The following PCSK6 variants were observed in gnomAD, a reference collection of about 807,000 sequenced individuals.
The protein encoded by PCSK6 is proprotein convertase subtilisin/kexin type 6, also known as paired basic amino acid cleaving enzyme 4.
In PCSK6, 85 loss-of-function variants were observed where a neutral mutation model predicts 123.3. That is an observed-to-expected ratio of 0.69 (90% confidence interval 0.58 to 0.83). The LOEUF is 0.83. Among genes scored for constraint, PCSK6 ranks in the 40% least tolerant of loss-of-function variants. PCSK6 has a pLI of 0.00. For missense variants in PCSK6, 1,191 were observed against 1,282.3 expected, an observed-to-expected ratio of 0.93 and a Z score of 1.09; for synonymous variants, 508 against 516.0, an observed-to-expected ratio of 0.98 and a Z score of 0.21.
At chr15:101,389,604 C>G in intron 8 of PCSK6, 40 bp from the exon 9 acceptor site, 5 of 1,502,852 alleles carry the variant, frequency 3.3e-6, no homozygotes, top group Non-Finnish European at 4.6e-6. Context: ...TGATGGCAGA[C>G]AGGCTAACTC....
intron 13 of PCSK6, among the ~76,000 whole-genome samples, chr15:101,354,754 C>A (rs981111695): frequency 6.6e-6 from 1 of 152,206 alleles, no homozygotes; most frequent in African/African-American, 2.4e-5. Flanking sequence ...AATCCCCAAC[C>A]TTTTCTCAAT....
intron 6 of PCSK6, among the ~76,000 whole-genome samples, chr15:101,425,472 G>C (rs990861475): frequency 2.0e-5 from 3 of 152,102 alleles, no homozygotes; most frequent in African/African-American, 7.2e-5. Flanking sequence ...TCCTTTTCAT[G>C]TCTTTATTGT....
intron 11 of PCSK6, among the ~76,000 whole-genome samples, chr15:101,381,191 A>G (rs11247288): frequency 0.64 from 96,426 of 151,616 alleles, 31,560 homozygotes; most frequent in African/African-American, 0.8. Context: ...GTGAAACCCC[A>G]TCTCTACTAA....
intron 13 of PCSK6, among the ~76,000 whole-genome samples, chr15:101,352,787 A>C (rs1353939854): frequency 2.6e-5 from 4 of 152,140 alleles, no homozygotes. Flanking sequence ...TTTTGTTGCG[A>C]TGTTGATGAG....
chr15:101,452,905 G>A (rs1241459779), intron 1 of PCSK6, among the ~76,000 whole-genome samples: 2 of 152,310 alleles, frequency 1.3e-5, no homozygotes, highest in African/African-American at 2.4e-5. Flanking sequence ...TGGGGCTGGC[G>A]GGGCCGGGGT....
chr15:101,473,089 T>C (rs2057645168), intron 1 of PCSK6, among the ~76,000 whole-genome samples: 1 of 152,168 alleles, frequency 6.6e-6, no homozygotes, highest in South Asian at 2.1e-4. Context: ...TCTTTTCTTT[T>C]CTAGAGACAG....
intron 13 of PCSK6, among the ~76,000 whole-genome samples, chr15:101,359,786 G>A (rs1008620962): frequency 6.6e-5 from 10 of 152,230 alleles, no homozygotes; most frequent in Admixed American, 1.3e-4. Context: ...GGCTCCAAAC[G>A]TGTGAATCAC....
intron 10 of PCSK6, 64 bp downstream of exon 10, chr15:101,384,258 C>A (rs368606206): frequency 2.7e-5 from 42 of 1,578,056 alleles, no homozygotes; most frequent in African/African-American, 5.4e-5. Flanking sequence ...TTAAGGAATT[C>A]ATGACACCCC....
intron 16 of PCSK6, 90 bp downstream of exon 16, chr15:101,326,287 C>T (rs543470821): frequency 1.0e-5 from 10 of 980,284 alleles, no homozygotes; most frequent in Non-Finnish European, 1.2e-5. Flanking sequence ...TACGTTACTT[C>T]CTAACTGGGG....
At chr15:101,331,421 G>T (rs1348190817) in intron 15 of PCSK6, among the ~76,000 whole-genome samples, 1 of 152,146 alleles carries the variant, frequency 6.6e-6, no homozygotes, top group Admixed American at 6.5e-5. Context: ...AACCTTCCTG[G>T]ATCCTTGGGA....
chr15:101,372,388 T>G (rs1010808615), intron 11 of PCSK6, among the ~76,000 whole-genome samples: 1 of 152,156 alleles, frequency 6.6e-6, no homozygotes, highest in African/African-American at 2.4e-5. Flanking sequence ...ATCAAAACAG[T>G]TATAAACAGT....
chr15:101,487,812 G>A (rs994776164), intron 1 of PCSK6, among the ~76,000 whole-genome samples: 4 of 152,150 alleles, frequency 2.6e-5, no homozygotes, highest in African/African-American at 7.2e-5. Flanking sequence ...AGAGACAAAC[G>A]AAGTCAGTGC....
chr15:101,427,227 G>C (rs543453637), intron 6 of PCSK6, among the ~76,000 whole-genome samples: 1 of 152,318 alleles, frequency 6.6e-6, no homozygotes, highest in Non-Finnish European at 1.5e-5. Context: ...CTGCTGCTCC[G>C]TAAAGGGACC....
At chr15:101,418,713 A>G (rs2055977531) in intron 6 of PCSK6, among the ~76,000 whole-genome samples, 1 of 151,984 alleles carries the variant, frequency 6.6e-6, no homozygotes, top group Admixed American at 6.6e-5. Flanking sequence ...GGGTTTCAAC[A>G]TTTTGGCCAG....
intron 1 of PCSK6, among the ~76,000 whole-genome samples, chr15:101,468,638 C>T (rs1038287686): frequency 6.6e-6 from 1 of 152,202 alleles, no homozygotes; most frequent in Non-Finnish European, 1.5e-5. Flanking sequence ...AAAGAACCAT[C>T]CCAGGCAAAA....
chr15:101,421,441 AT>A (rs2056082280), intron 6 of PCSK6, among the ~76,000 whole-genome samples: 1 of 152,190 alleles, frequency 6.6e-6, no homozygotes, highest in Admixed American at 6.5e-5. Context: ...AAACTTAGTG[AT>A]CCATTTCTAA....
intron 12 of PCSK6, among the ~76,000 whole-genome samples, chr15:101,367,380 T>C (rs1235996851): frequency 6.6e-6 from 1 of 152,204 alleles, no homozygotes; most frequent in Admixed American, 6.5e-5. Context: ...TCATCAGAAA[T>C]TGAAATACAT....
intron 18 of PCSK6, among the ~76,000 whole-genome samples, chr15:101,319,802 C>T (rs1456618607): frequency 6.6e-6 from 1 of 152,230 alleles, no homozygotes; most frequent in Non-Finnish European, 1.5e-5. Flanking sequence ...CAGCGCTCAA[C>T]CCTTCCAAAC....
At chr15:101,461,172 G>GA (rs534367549) in intron 1 of PCSK6, among the ~76,000 whole-genome samples, 105 of 152,212 alleles carry the variant, frequency 6.9e-4, no homozygotes, top group African/African-American at 2.2e-3. Context: ...ATGATAAGTG[G>GA]AAAAAGGATG....
Sources: gnomAD v4.1 joint callset for allele counts (sites outside exome capture counted in the v4.1 genomes callset) on GRCh38, gnomAD v4.1.1 for gene constraint, MANE v1.5 for transcripts, NCBI Gene and HGNC (gene_info 2026-07-23, HGNC 2026-07-21) for gene names.